Variants in TANC2 observed in about 807,000 individuals in gnomAD.
TANC2 encodes the protein tetratricopeptide repeat, ankyrin repeat and coiled-coil containing 2.
A neutral mutation model predicts 210.5 loss-of-function variants in TANC2; 26 were observed. The observed-to-expected ratio is 0.12, with a 90% CI of 0.09 to 0.17. TANC2 has a LOEUF of 0.17. TANC2 is among the 10% of genes least tolerant of loss of function. The probability of loss-of-function intolerance (pLI) is 1.00; values close to 1 mark genes in which losing one functional copy is unlikely to be tolerated. For missense variants in TANC2, 2,129 were observed against 2,608.9 expected (o/e 0.82, Z 4.01); for synonymous variants, 931 against 967.1 (o/e 0.96, Z 0.69).
At chr17:63,091,001 G>A (rs2037168117) in intron 3 of TANC2, among the ~76,000 whole-genome samples, 1 of 151,168 alleles carries the variant, frequency 6.6e-6, no homozygotes, top group Non-Finnish European at 1.5e-5. Flanking sequence ...CTGCATAAAT[G>A]TCTTCTTTTG....
In TANC2 at chr17:63,340,347, C is replaced by T. The variant is rs1408149642; in HGVS notation, c.1807+15C>T. The T allele has an allele frequency of 1.2e-6, 2 of 1,605,544 alleles. No individual in the cohort carries two copies. Among genetic ancestry groups the T allele is most frequent in the Admixed American group, 1.7e-5 (1 of 59,646 alleles). On this transcript the variant is annotated intron_variant, in intron 12 of 27. Transcript: ENST00000689528. ...TCTCCATAAAGGTACAGATAAGGCC[C>T]AAAGGAGGGGAAAGATGGAGGTTTA... is the stretch of plus-strand genomic sequence containing the variant.
intron 10 of TANC2, among the ~76,000 whole-genome samples, chr17:63,316,879 G>A (rs916620632): frequency 6.6e-6 from 1 of 151,962 alleles, no homozygotes; most frequent in Non-Finnish European, 1.5e-5. Context: ...AGGAGCAGCA[G>A]TTTTTTCACT....
intron 1 of TANC2, among the ~76,000 whole-genome samples, chr17:62,986,952 G>T (rs1455135745): frequency 1.3e-5 from 2 of 152,140 alleles, no homozygotes; most frequent in Non-Finnish European, 2.9e-5. Flanking sequence ...CTGACTGCAG[G>T]TGCATGTCCA....
chr17:63,262,798 G>A (rs928346460), intron 8 of TANC2, among the ~76,000 whole-genome samples: 1 of 152,094 alleles, frequency 6.6e-6, no homozygotes, highest in Non-Finnish European at 1.5e-5. Context: ...AAGAAAGAAA[G>A]AATTCATGGA....
intron 3 of TANC2, among the ~76,000 whole-genome samples, 162 bp from the exon 4 acceptor site, chr17:63,099,013 A>G (rs1422806001): frequency 6.6e-6 from 1 of 152,194 alleles, no homozygotes; most frequent in African/African-American, 2.4e-5. Context: ...TAGACCTGGA[A>G]TTGAGTACAT....
intron 2 of TANC2, among the ~76,000 whole-genome samples, chr17:63,064,470 A>T (rs1003460763): frequency 5.9e-4 from 90 of 152,244 alleles, no homozygotes; most frequent in Middle Eastern, 6.8e-3. Flanking sequence ...AAAACAAACA[A>T]ACATACAAAA....
intron 9 of TANC2, among the ~76,000 whole-genome samples, chr17:63,293,029 T>C (rs754308393): frequency 6.6e-6 from 1 of 152,236 alleles, no homozygotes; most frequent in African/African-American, 2.4e-5. Flanking sequence ...AGAATGTATC[T>C]AGAGTGAACA....
intron 8 of TANC2, among the ~76,000 whole-genome samples, chr17:63,264,396 A>G (rs1472318029): frequency 1.3e-5 from 2 of 152,160 alleles, no homozygotes; most frequent in African/African-American, 4.8e-5. Flanking sequence ...TGCTCCAGGC[A>G]TGTTTTGGGG....
chr17:63,265,084 G>T (rs1487485148), intron 8 of TANC2, among the ~76,000 whole-genome samples: 1 of 152,218 alleles, frequency 6.6e-6, no homozygotes. Flanking sequence ...TCTGAGCTCT[G>T]TGTAGTCCTT....
At chr17:63,394,118 C>T (rs1478975919) in intron 17 of TANC2, among the ~76,000 whole-genome samples, 1 of 152,174 alleles carries the variant, frequency 6.6e-6, no homozygotes, top group South Asian at 2.1e-4. Flanking sequence ...TGATTTTCTA[C>T]TTCCATCATT....
At chr17:63,164,498 AG>A (rs1210045799) in intron 5 of TANC2, among the ~76,000 whole-genome samples, 10 of 152,216 alleles carry the variant, frequency 6.6e-5, no homozygotes, top group African/African-American at 2.4e-4. Flanking sequence ...TGTATTAGTC[AG>A]GGTTCTCTGG....
intron 14 of TANC2, among the ~76,000 whole-genome samples, chr17:63,363,736 A>G (rs1242342877): frequency 2.0e-5 from 3 of 152,224 alleles, no homozygotes; most frequent in South Asian, 2.1e-4. Context: ...TTTTTATACC[A>G]GTACCATGCC....
intron 2 of TANC2, among the ~76,000 whole-genome samples, chr17:63,069,819 TG>T (rs2036331881): frequency 6.6e-6 from 1 of 152,226 alleles, no homozygotes. Flanking sequence ...GCTTTTTTCA[TG>T]AAAACTTCTT....
chr17:63,391,449 C>G (rs1482386831), intron 17 of TANC2: 3 of 152,194 alleles, frequency 2.0e-5, no homozygotes, highest in South Asian at 4.1e-4. Context: ...CTTAACCTCT[C>G]TCAATCGCAC....
chr17:63,366,367 G>C (rs2047110480), intron 14 of TANC2, among the ~76,000 whole-genome samples: 3 of 152,224 alleles, frequency 2.0e-5, no homozygotes, highest in South Asian at 4.1e-4. Context: ...TTTATAACTA[G>C]CTATAATTCA....
At chr17:63,267,659 G>T in intron 8 of TANC2, 89 bp from the exon 9 acceptor site, 2 of 1,406,338 alleles carry the variant, frequency 1.4e-6, no homozygotes, top group Non-Finnish European at 9.6e-7. Context: ...GCTGGAGTAA[G>T]CCCTGATTCC....
intron 4 of TANC2, among the ~76,000 whole-genome samples, chr17:63,122,896 A>G (rs1434771955): frequency 2.6e-5 from 4 of 152,202 alleles, no homozygotes; most frequent in Non-Finnish European, 4.4e-5. Context: ...AAAGTGACTT[A>G]AGTAAAATCT....
At chr17:63,096,043 A>AT (rs1369262158) in intron 3 of TANC2, among the ~76,000 whole-genome samples, 2 of 152,114 alleles carry the variant, frequency 1.3e-5, no homozygotes, top group Non-Finnish European at 2.9e-5. Flanking sequence ...ACTAAGGCTG[A>AT]TTTTTTTCAA....
At chr17:63,325,271 A>G (rs2045612094) in intron 11 of TANC2, among the ~76,000 whole-genome samples, 1 of 152,140 alleles carries the variant, frequency 6.6e-6, no homozygotes, top group South Asian at 2.1e-4. Flanking sequence ...CCTATCTTCC[A>G]CCATTCCCCA....
Sources: gnomAD v4.1 joint callset for allele counts (sites outside exome capture counted in the v4.1 genomes callset) on GRCh38, gnomAD v4.1.1 for gene constraint, MANE v1.5 for transcripts, NCBI Gene and HGNC (gene_info 2026-07-23, HGNC 2026-07-21) for gene names.